KAZN: variants seen among roughly 807,000 people sequenced by gnomAD.
KAZN encodes kazrin.
In KAZN, 40 loss-of-function variants were observed where a neutral mutation model predicts 87.4. That is an observed-to-expected ratio of 0.46 (90% CI 0.36 to 0.60). KAZN has a LOEUF of 0.60. Among genes scored for constraint, KAZN ranks in the 20% least tolerant of loss-of-function variants. KAZN has a pLI of 0.00. For synonymous variants in KAZN, 466 were observed against 458.3 expected, an observed-to-expected ratio of 1.02 and a Z score of -0.22; for missense variants, 898 against 1,073.9, an observed-to-expected ratio of 0.84 and a Z score of 2.29.
At chr1:13,897,929 A>G (rs1372367764) in intron 1 of KAZN, among the ~76,000 whole-genome samples, 1 of 151,906 alleles carries the variant, frequency 6.6e-6, no homozygotes, top group East Asian at 1.9e-4. Flanking sequence ...CCCCACCCAA[A>G]TTTCTTTTAC....
rs538195081 is a variant in KAZN, at chr1:14,734,524, G to A, written c.226+135301G>A. Among the ~76,000 whole-genome samples the A allele has an allele frequency of 3.9e-5, 6 of 152,080 alleles. No individual in the cohort carries two copies. The South Asian group carries it at 8.3e-4, about 21-fold the overall frequency. Reference sequence around the variant, plus strand: ...GACGGGGTTTCTCCATGTTGGTCAGGCTGGTCTTGAACTCCCGACCTCAGG... The same window carrying A: ...GACGGGGTTTCTCCATGTTGGTCAGACTGGTCTTGAACTCCCGACCTCAGG... On this transcript the variant is annotated intron_variant, in intron 1 of 14. Transcript: ENST00000376030.
At chr1:14,092,570 CAT>C (rs1557469192) in intron 1 of KAZN, among the ~76,000 whole-genome samples, 1 of 126,228 alleles carries the variant, frequency 7.9e-6, no homozygotes, top group African/African-American at 2.6e-5. Flanking sequence ...CACATATATA[CAT>C]ATGTATGTAC....
chr1:14,135,014 T>C (rs1226721626), intron 1 of KAZN, among the ~76,000 whole-genome samples: 10 of 89,636 alleles, frequency 1.1e-4, no homozygotes, highest in African/African-American at 5.1e-5. Context: ...TGTGCACACA[T>C]GCACACATAC....
chr1:14,752,578 C>T (rs551840085), intron 1 of KAZN, among the ~76,000 whole-genome samples: 3 of 152,254 alleles, frequency 2.0e-5, no homozygotes, highest in South Asian at 2.1e-4. Context: ...GCTATGTCCT[C>T]ACATGGTGGA....
chr1:14,809,475 T>C (rs1436377091), intron 1 of KAZN, among the ~76,000 whole-genome samples: 1 of 152,226 alleles, frequency 6.6e-6, no homozygotes, highest in Non-Finnish European at 1.5e-5. Flanking sequence ...CTGCTTTTGA[T>C]TTTTTCCTTT....
In KAZN at chr1:14,460,602, T is replaced by C. The variant is rs1667806088; in HGVS notation, c.250-138381T>C. ...GGCCTGGGATACTCCTCTCCTCCTC[T>C]ATGACAATCTTTCCCCTAATGTACT... On this transcript the variant is annotated intron_variant, in intron 2 of 16. Transcript: ENST00000636203. Among the ~76,000 whole-genome samples, 4 of 152,338 alleles carry C rather than the reference T, an allele frequency of 2.6e-5. No individual in the cohort carries two copies. In the South Asian group the frequency reaches 8.3e-4, roughly 32 times the overall value.
At chr1:14,107,071 ATCTC>A (rs1570752590) in intron 1 of KAZN, among the ~76,000 whole-genome samples, 1 of 92,038 alleles carries the variant, frequency 1.1e-5, no homozygotes, top group South Asian at 4.1e-4. Flanking sequence ...TCCTTCCTTC[ATCTC>A]TCTCCCCTCT....
chr1:14,997,201 T>A (rs550037284), intron 2 of KAZN, among the ~76,000 whole-genome samples: 3 of 137,330 alleles, frequency 2.2e-5, no homozygotes, highest in African/African-American at 8.8e-5. Context: ...TCTTTCTTTC[T>A]TTCATTTATT....
intron 1 of KAZN, among the ~76,000 whole-genome samples, chr1:14,860,397 G>A (rs1481691443): frequency 2.6e-5 from 4 of 152,182 alleles, no homozygotes; most frequent in East Asian, 1.9e-4. Flanking sequence ...TCACCATGTC[G>A]GCCAGGCTGG....
intron 2 of KAZN, among the ~76,000 whole-genome samples, chr1:14,537,865 T>G (rs1054516857): frequency 2.0e-5 from 3 of 152,222 alleles, no homozygotes; most frequent in African/African-American, 7.2e-5. Flanking sequence ...ATGGAGGCCA[T>G]GCCCTCATGT....
At chr1:14,043,533 C>T (rs572889130) in intron 1 of KAZN, among the ~76,000 whole-genome samples, 264 of 152,084 alleles carry the variant, frequency 1.7e-3, no homozygotes, top group African/African-American at 6.3e-3. Flanking sequence ...TCCATAGAGG[C>T]TATACTATCT....
rs1193099350 is a variant in KAZN, at chr1:15,115,712, AC to A, written c.*1078del. 6.6e-6 allele frequency: 1 copy of A among 152,052 alleles called. No individual in the cohort carries two copies. The allele number at this position is 152,052 out of a possible 1,614,324, so 9.4% of individuals were successfully genotyped here. On this transcript the variant is annotated 3_prime_UTR_variant, in exon 15 of 15. Transcript: ENST00000376030. This position sits in a 1 kb window ranked among gnomAD's most constrained non-coding sequence, Gnocchi z 4.1. ...ACCCCAGCCCTTTTCTTGACCTGCC[AC>A]TGTTATGCTGTGTGGCTTCTTCCCA... is the stretch of plus-strand genomic sequence containing the variant.
chr1:14,089,076 T>A (rs1435827580), intron 1 of KAZN, among the ~76,000 whole-genome samples: 1 of 151,868 alleles, frequency 6.6e-6, no homozygotes, highest in Non-Finnish European at 1.5e-5. Context: ...AAGATTTCCA[T>A]ATTCCCTCTG....
At chr1:14,984,092 C>T (rs759950926) in intron 2 of KAZN, among the ~76,000 whole-genome samples, 5 of 152,036 alleles carry the variant, frequency 3.3e-5, no homozygotes, top group Non-Finnish European at 5.9e-5. Flanking sequence ...TGTGGCTGGG[C>T]ATAGTGACTC....
chr1:15,013,346 A>G (rs1669766560), intron 2 of KAZN, among the ~76,000 whole-genome samples: 1 of 152,246 alleles, frequency 6.6e-6, no homozygotes, highest in Admixed American at 6.5e-5. Flanking sequence ...GAAGCTAGAC[A>G]GTAAACAGGT....
chr1:14,509,735 G>A (rs112564118), intron 2 of KAZN, among the ~76,000 whole-genome samples: 6 of 152,130 alleles, frequency 3.9e-5, no homozygotes, highest in African/African-American at 1.4e-4. Flanking sequence ...CAAAAACCAA[G>A]CAAGCAGATG....
chr1:14,687,085 A>G (rs1020564212), intron 1 of KAZN, among the ~76,000 whole-genome samples: 1 of 152,150 alleles, frequency 6.6e-6, no homozygotes, highest in Admixed American at 6.5e-5. Context: ...CTCCCCTCTG[A>G]ATGAAAAATT....
intron 1 of KAZN, among the ~76,000 whole-genome samples, chr1:14,614,021 A>G (rs1284550308): frequency 6.6e-6 from 1 of 152,200 alleles, no homozygotes; most frequent in Non-Finnish European, 1.5e-5. Context: ...ACCAGAAAGC[A>G]CCAGTTATGG....
intron 1 of KAZN, among the ~76,000 whole-genome samples, chr1:14,863,891 G>A (rs979599925): frequency 2.4e-4 from 36 of 152,164 alleles, no homozygotes; most frequent in African/African-American, 7.5e-4. Context: ...CAGTGTGTTC[G>A]GGAGGAGTCA....
Sources: gnomAD v4.1 joint callset for allele counts (sites outside exome capture counted in the v4.1 genomes callset) on GRCh38, gnomAD v4.1.1 for gene constraint, Gnocchi (gnomAD v3.1) non-coding constraint, MANE v1.5 for transcripts, NCBI Gene and HGNC (gene_info 2026-07-23, HGNC 2026-07-21) for gene names.